The following CCSER1 variants were observed in gnomAD, a reference collection of about 807,000 sequenced individuals.
CCSER1 encodes serine-rich coiled-coil domain-containing protein 1.
A neutral mutation model predicts 82.0 loss-of-function variants in CCSER1; 41 were observed. The observed-to-expected ratio is 0.50, with a 90% CI of 0.39 to 0.65. CCSER1 has a LOEUF of 0.65. Ranked by LOEUF, CCSER1 falls within the 30% of genes least tolerant of loss-of-function variation. The pLI, the probability that CCSER1 is intolerant of heterozygous loss-of-function variation, is 0.00. For synonymous variants in CCSER1, 414 were observed against 383.9 expected (o/e 1.08, Z -0.92); for missense variants, 1,119 against 1,064.2 (o/e 1.05, Z -0.72).
intron 10 of CCSER1, among the ~76,000 whole-genome samples, chr4:91,151,803 T>C (rs910833570): frequency 1.3e-5 from 2 of 152,150 alleles, no homozygotes; most frequent in Non-Finnish European, 2.9e-5. Context: ...TTTCTCAATC[T>C]TGAGTTCTAA....
chr4:91,590,999 G>T (rs1455813999), intron 10 of CCSER1, among the ~76,000 whole-genome samples: 1 of 152,078 alleles, frequency 6.6e-6, no homozygotes, highest in Non-Finnish European at 1.5e-5. Context: ...GTTTAGGGCA[G>T]TGGTTCTCAA....
At chr4:90,135,470 C>T (rs771080991) in intron 1 of CCSER1, among the ~76,000 whole-genome samples, 1 of 152,196 alleles carries the variant, frequency 6.6e-6, no homozygotes, top group African/African-American at 2.4e-5. Context: ...CACCAGAAAA[C>T]ACAACACTTT....
rs573101943 is a variant in CCSER1 at position 91,522,770 on chromosome 4, T to G, written c.2218-75802T>G. On this transcript the variant is annotated intron_variant, in intron 10 of 10. Transcript: ENST00000509176. ...GTTGCTTATCAGCTTAAGGAGATTTTGGGCTGAGCTGATGGGGTTTTCTAA... is the reference window on the plus strand; with the variant it reads ...GTTGCTTATCAGCTTAAGGAGATTTGGGGCTGAGCTGATGGGGTTTTCTAA... Among the ~76,000 whole-genome samples, 15 of 152,304 alleles carry G rather than the reference T, an allele frequency of 9.8e-5. No homozygotes were observed. The South Asian group carries it at 1.0e-3, about 11-fold the overall frequency.
chr4:90,173,124 G>A (rs1270978277), intron 1 of CCSER1, among the ~76,000 whole-genome samples: 1 of 151,738 alleles, frequency 6.6e-6, no homozygotes, highest in African/African-American at 2.4e-5. Context: ...ATACAGGACA[G>A]ACAATCTGCT....
At chr4:90,846,430 G>A (rs6854946) in intron 8 of CCSER1, among the ~76,000 whole-genome samples, 99,742 of 151,980 alleles carry the variant, frequency 0.66, 33,199 homozygotes, top group African/African-American at 0.74. Context: ...CCATCATAAT[G>A]ATTAAATTTT....
At chr4:90,993,507 C>G (rs2150453593) in intron 9 of CCSER1, among the ~76,000 whole-genome samples, 1 of 151,678 alleles carries the variant, frequency 6.6e-6, no homozygotes, top group African/African-American at 2.4e-5. Context: ...TTCTTGAAAG[C>G]TTCTTCATCA....
intron 1 of CCSER1, among the ~76,000 whole-genome samples, chr4:90,271,869 T>TC (rs1560920350): frequency 3.7e-5 from 3 of 80,556 alleles, no homozygotes; most frequent in African/African-American, 2.0e-4. Context: ...TATATTTTTT[T>TC]TTTTTTTTTT....
chr4:91,530,786 C>G (rs1184998116), intron 10 of CCSER1, among the ~76,000 whole-genome samples: 1 of 151,364 alleles, frequency 6.6e-6, no homozygotes. Flanking sequence ...CTCCCAGGTT[C>G]AAGCGATTCT....
intron 5 of CCSER1, among the ~76,000 whole-genome samples, chr4:90,538,041 T>C (rs1437488161): frequency 6.6e-6 from 1 of 152,174 alleles, no homozygotes; most frequent in Non-Finnish European, 1.5e-5. Flanking sequence ...TGGGACCTTT[T>C]AAATTGTGCT....
At chr4:90,624,878 T>C (rs762440245) in intron 5 of CCSER1, among the ~76,000 whole-genome samples, 2 of 152,212 alleles carry the variant, frequency 1.3e-5, no homozygotes, top group Non-Finnish European at 2.9e-5. Context: ...ATTCATGAAG[T>C]TGACACAGAG....
chr4:90,663,484 A>G (rs1019660856), intron 6 of CCSER1, among the ~76,000 whole-genome samples: 1 of 152,150 alleles, frequency 6.6e-6, no homozygotes. Context: ...GAGAACCACT[A>G]AAGTATATCG....
chr4:91,389,175 T>C (rs1751497358), intron 10 of CCSER1, among the ~76,000 whole-genome samples: 2 of 152,100 alleles, frequency 1.3e-5, no homozygotes, highest in Non-Finnish European at 1.5e-5. Context: ...AGTCATCTTC[T>C]AGGGAACTTA....
intron 8 of CCSER1, among the ~76,000 whole-genome samples, chr4:90,914,396 T>A (rs1726948001): frequency 6.6e-6 from 1 of 152,254 alleles, no homozygotes; most frequent in South Asian, 2.1e-4. Context: ...GAATGACTGC[T>A]CGGTACATAA....
chr4:91,113,849 CA>C (rs1354260236), intron 10 of CCSER1, among the ~76,000 whole-genome samples: 2 of 119,576 alleles, frequency 1.7e-5, no homozygotes, highest in South Asian at 2.8e-4. Context: ...TTGATATCTA[CA>C]TTTTTTTTTT....
intron 5 of CCSER1, among the ~76,000 whole-genome samples, chr4:90,603,111 C>A (rs191845480): frequency 3.3e-5 from 5 of 152,098 alleles, no homozygotes; most frequent in African/African-American, 1.2e-4. Context: ...TTAGAAGTAT[C>A]GGTTACTTCT....
At chr4:91,129,565 GA>G (rs767476361) in intron 10 of CCSER1, among the ~76,000 whole-genome samples, 5 of 151,928 alleles carry the variant, frequency 3.3e-5, no homozygotes, top group Admixed American at 6.6e-5. Flanking sequence ...AGATATAATG[GA>G]AACTTAAACT....
chr4:90,306,633 A>G (rs911035792), intron 1 of CCSER1, among the ~76,000 whole-genome samples: 14 of 152,312 alleles, frequency 9.2e-5, no homozygotes, highest in African/African-American at 3.4e-4. Context: ...CATTTTTGTC[A>G]CATACTTGTT....
intron 8 of CCSER1, among the ~76,000 whole-genome samples, chr4:90,887,746 G>C (rs1213939435): frequency 6.6e-6 from 1 of 152,092 alleles, no homozygotes; most frequent in East Asian, 1.9e-4. Context: ...GTTAGGCGTG[G>C]TGGTGCGCAC....
rs140918707 is a variant in CCSER1, at chr4:90,238,820, T to A, written c.-41-69424T>A. ...TTAAATCTTCTGAAAACAGTCTTTT[T>A]AAAATATTAGCTTGGTGGATTTCTT... On this transcript the variant is annotated intron_variant, in intron 1 of 10. Coordinates refer to ENST00000509176, the MANE Select transcript of CCSER1 (RefSeq NM_001145065.2). Among the ~76,000 whole-genome samples, 400 of 152,284 alleles carry A rather than the reference T, an allele frequency of 2.6e-3. 1 individual carries two copies. The highest frequency in any genetic ancestry group is 8.8e-3 in the African/African-American group (366 of 41,564).
Sources: allele counts gnomAD v4.1 joint callset (sites outside exome capture counted in the v4.1 genomes callset), GRCh38; gene constraint gnomAD v4.1.1; transcripts MANE v1.5; gene names NCBI Gene and HGNC (gene_info 2026-07-23, HGNC 2026-07-21).